CUX2: variants seen among roughly 807,000 people sequenced by gnomAD.
CUX2 encodes homeobox protein cut-like 2.
In CUX2, 40 loss-of-function variants were observed where a neutral mutation model predicts 144.8. That is an observed-to-expected ratio of 0.28 (90% CI 0.21 to 0.36). The LOEUF is 0.36. Ranked by LOEUF, CUX2 falls within the 10% of genes least tolerant of loss-of-function variation. The pLI, the probability that CUX2 is intolerant of heterozygous loss-of-function variation, is 1.00. For missense variants in CUX2, 1,615 were observed against 1,994.0 expected (o/e 0.81, Z 3.62); for synonymous variants, 827 against 875.6 (o/e 0.94, Z 0.98).
At chr12:111,075,901 T>C (rs1191429978) in intron 1 of CUX2, among the ~76,000 whole-genome samples, 1 of 152,142 alleles carries the variant, frequency 6.6e-6, no homozygotes, top group African/African-American at 2.4e-5. Context: ...ATAATAATGA[T>C]GATGATAATA....
Position 111,338,389 on chromosome 12 carries a change from G to A in CUX2, c.3300G>A (p.Arg1100=). Reference sequence around the variant, plus strand: ...GGCACAAGCTGAGCCTGAAGGGGCGGGAGCCTTTTGTCCGCATGCAGCTGT... The same window carrying A: ...GGCACAAGCTGAGCCTGAAGGGGCGAGAGCCTTTTGTCCGCATGCAGCTGT... ...KPWHKLSLKG[R]EPFVRMQLWL... Residue 1100 remains arginine, a synonymous_variant, in exon 20 of 22, where the codon CGG becomes CGA. Coordinates refer to ENST00000261726, the MANE Select transcript of CUX2 (RefSeq NM_015267.4). 6.2e-7 allele frequency: 1 copy of A among 1,614,128 alleles called. No individual in the cohort carries two copies.
chr12:111,160,018 A>G lies in CUX2; in HGVS notation c.64-54182A>G, dbSNP rs111576997. 0.026 allele frequency among the ~76,000 whole-genome samples: 3,964 copies of G among 152,248 alleles called. 188 individuals carry two copies. Among genetic ancestry groups the G allele is most frequent in the African/African-American group, 0.091 (3,780 of 41,544 alleles). On this transcript the variant is annotated intron_variant, in intron 1 of 21. Transcript: ENST00000261726. This position sits in a 1 kb window ranked among gnomAD's most constrained non-coding sequence, Gnocchi z 4.1. ...CCAGCCTGGGCGACAAAGTGAGACT[A>G]TCTTAAAAACAAAACAAAACAACAA...
At chr12:111,085,080 C>A (rs1387702462) in intron 1 of CUX2, among the ~76,000 whole-genome samples, 1 of 151,712 alleles carries the variant, frequency 6.6e-6, no homozygotes, top group Non-Finnish European at 1.5e-5. Flanking sequence ...TCTGGGGAGA[C>A]AGGTGGCAAA....
At chr12:111,253,162 G>A (rs1233467031) in intron 3 of CUX2, among the ~76,000 whole-genome samples, 4 of 151,918 alleles carry the variant, frequency 2.6e-5, no homozygotes, top group Admixed American at 1.3e-4. Flanking sequence ...TCCCTTCTCC[G>A]CACAACAGCC....
At chr12:111,197,824 C>A (rs755791765) in intron 1 of CUX2, among the ~76,000 whole-genome samples, 1 of 152,166 alleles carries the variant, frequency 6.6e-6, no homozygotes, top group Non-Finnish European at 1.5e-5. Flanking sequence ...AATAACACAG[C>A]CCCAAAATGT....
intron 3 of CUX2, among the ~76,000 whole-genome samples, chr12:111,234,253 A>G (rs1227264450): frequency 2.0e-5 from 3 of 152,222 alleles, no homozygotes; most frequent in African/African-American, 7.2e-5. Context: ...ACAGTGGTAC[A>G]TTTTGGACAG....
At chr12:111,217,387 C>T (rs926354883) in intron 2 of CUX2, among the ~76,000 whole-genome samples, 1 of 152,156 alleles carries the variant, frequency 6.6e-6, no homozygotes, top group Non-Finnish European at 1.5e-5. Flanking sequence ...GAGGTGGCTA[C>T]AGGGTAGGGT....
chr12:111,048,387 AC>A (rs747632922), intron 1 of CUX2, among the ~76,000 whole-genome samples: 39 of 152,220 alleles, frequency 2.6e-4, no homozygotes, highest in Non-Finnish European at 4.7e-4. Context: ...CTAGCACTCT[AC>A]AGCATTGTGG....
chr12:111,058,533 CACAGAGAGAGAGAG>C (rs931977651), intron 1 of CUX2, among the ~76,000 whole-genome samples: 4 of 151,866 alleles, frequency 2.6e-5, no homozygotes, highest in South Asian at 4.1e-4. Flanking sequence ...ACTGAAGAGA[CACAGAGAGAGAGAG>C]ACAGAGAGAG....
chr12:111,180,738 G>A (rs1879114118), intron 1 of CUX2, among the ~76,000 whole-genome samples: 1 of 152,220 alleles, frequency 6.6e-6, no homozygotes, highest in Non-Finnish European at 1.5e-5. Context: ...CTGGGTCCCA[G>A]GGAAAACCTA....
intron 9 of CUX2, among the ~76,000 whole-genome samples, chr12:111,303,320 T>G (rs1886401943): frequency 6.6e-6 from 1 of 150,778 alleles, no homozygotes; most frequent in South Asian, 2.1e-4. Flanking sequence ...GTGTTAGATG[T>G]TTTCATTGCT....
At chr12:111,261,801 G>A (rs958003052) in intron 3 of CUX2, among the ~76,000 whole-genome samples, 1 of 152,132 alleles carries the variant, frequency 6.6e-6, no homozygotes, top group Admixed American at 6.5e-5. Flanking sequence ...TACTTGGTAG[G>A]CTGAGGCTGA....
chr12:111,226,633 A>G (rs911663527), intron 3 of CUX2, among the ~76,000 whole-genome samples: 1 of 152,186 alleles, frequency 6.6e-6, no homozygotes, highest in Non-Finnish European at 1.5e-5. Flanking sequence ...ATGGACGTGA[A>G]CCACATATTT....
At chr12:111,148,188 T>C (rs115910626) in intron 1 of CUX2, among the ~76,000 whole-genome samples, 1,968 of 152,274 alleles carry the variant, frequency 0.013, 58 homozygotes, top group African/African-American at 0.045. Context: ...AGTGGAATAC[T>C]ATACAGCCTT....
At chr12:111,046,019 G>A (rs2136006439) in intron 1 of CUX2, among the ~76,000 whole-genome samples, 1 of 152,334 alleles carries the variant, frequency 6.6e-6, no homozygotes. Context: ...TTCGTTTGCA[G>A]TATTAGCTGC....
chr12:111,310,721 G>C lies in CUX2; in HGVS notation c.1900+39G>C. On this transcript the variant is annotated intron_variant, in intron 15 of 21. Coordinates refer to ENST00000261726, the MANE Select transcript of CUX2 (RefSeq NM_015267.4). The surrounding 1 kb of genome is among the most constrained non-coding windows in gnomAD (Gnocchi z 7.9). Reference sequence around the variant, plus strand: ...AGGGCCCGTCCCCGCTGGCCACCACGCCAGGTCCAGGGCATCAGGGCTGGG... The same window carrying C: ...AGGGCCCGTCCCCGCTGGCCACCACCCCAGGTCCAGGGCATCAGGGCTGGG... 6.5e-7 allele frequency: 1 copy of C among 1,546,654 alleles called. No homozygotes were observed. The highest frequency in any genetic ancestry group is 1.2e-5 in the South Asian group (1 of 81,378).
chr12:111,191,358 G>A (rs907936312), intron 1 of CUX2, among the ~76,000 whole-genome samples: 1 of 150,914 alleles, frequency 6.6e-6, no homozygotes, highest in Admixed American at 6.6e-5. Context: ...TTGAGACAGA[G>A]TCTTGCTCTG....
In CUX2 at chr12:111,291,487, G is replaced by C. The variant is rs753183151; in HGVS notation, c.371G>C (p.Ser124Thr). 8.7e-6 allele frequency: 14 copies of C among 1,612,528 alleles called. No homozygotes were observed. In the South Asian group the frequency reaches 1.5e-4, roughly 18 times the overall value. ...DRLQPPSFDP[S>T]GQPRRDLHTS... is the part of the protein sequence containing the mutation. The stretch of plus-strand genomic sequence containing the variant: ...CTGCAGCCCCCCAGCTTTGACCCCA[G>C]TGGGCAGCCCCGGCGAGACCTCCAC... Residue 124 changes from serine (S) to threonine (T), a missense_variant, in exon 5 of 22, where the codon AGT (serine) becomes ACT (threonine). Around this residue, in one of 12 missense-constraint regions of CUX2, gnomAD observed 295 missense variants for 400.2 expected, o/e 0.74. Transcript: ENST00000261726.
At position 111,160,946 on chromosome 12, in the gene CUX2, A is replaced by G. The variant is rs1276235247; in HGVS notation, c.64-53254A>G. Among the ~76,000 whole-genome samples, 1 of 152,196 alleles carries G rather than the reference A, an allele frequency of 6.6e-6. No individual in the cohort carries two copies. Among genetic ancestry groups the G allele is most frequent in the Non-Finnish European group, 1.5e-5 (1 of 68,032 alleles). On this transcript the variant is annotated intron_variant, in intron 1 of 21. Transcript: ENST00000261726. The surrounding 1 kb of genome is among the most constrained non-coding windows in gnomAD (Gnocchi z 4.1). ...GGGAGCAGATGGGACGTGAGAGTGC[A>G]GAGTTCCCTTTTGGCTATGGGTTTG...
Sources: gnomAD v4.1 joint callset for allele counts (sites outside exome capture counted in the v4.1 genomes callset) on GRCh38, gnomAD v4.1.1 for gene constraint, gnomAD v4.1.1 regional missense constraint, Gnocchi (gnomAD v3.1) non-coding constraint, MANE v1.5 for transcripts, NCBI Gene and HGNC (gene_info 2026-07-23, HGNC 2026-07-21) for gene names.